Variants in CNTRL observed in about 807,000 individuals in gnomAD.
CNTRL encodes 110 kDa centrosomal protein.
Under a neutral mutation model 303.7 loss-of-function variants are expected in CNTRL, and 233 were observed. That is an observed-to-expected ratio of 0.77 (90% CI 0.69 to 0.86). The LOEUF (loss-of-function observed/expected upper bound fraction) is 0.86, where lower values mean the gene tolerates loss of function less well. Ranked by LOEUF, CNTRL falls within the 40% of genes least tolerant of loss-of-function variation. The pLI is 0.00. For missense variants in CNTRL, 2,524 were observed against 2,650.6 expected, an observed-to-expected ratio of 0.95 and a Z score of 1.05; for synonymous variants, 900 against 922.2, an observed-to-expected ratio of 0.98 and a Z score of 0.44.
chr9:121,079,525 G>T (rs561470937), intron 1 of CNTRL, among the ~76,000 whole-genome samples: 3 of 152,152 alleles, frequency 2.0e-5, no homozygotes, highest in Non-Finnish European at 4.4e-5. Context: ...ATAAAGTACA[G>T]GTTGATTATC....
intron 25 of CNTRL, chr9:121,150,715 G>T: frequency 2.1e-6 from 1 of 481,520 alleles, no homozygotes; most frequent in East Asian, 3.4e-5. Context: ...GATTGCTTGA[G>T]CCTAGGAATT....
At chr9:121,160,451 A>ATGG in intron 32 of CNTRL, 149 bp downstream of exon 32, 2 of 482,936 alleles carry the variant, frequency 4.1e-6, no homozygotes, top group Non-Finnish European at 7.2e-6. Context: ...AAGGAATATG[A>ATGG]TATTTTCTGC....
chr9:121,125,021 T>TAC (rs2050435739), intron 13 of CNTRL, among the ~76,000 whole-genome samples: 1 of 151,816 alleles, frequency 6.6e-6, no homozygotes, highest in Non-Finnish European at 1.5e-5. Context: ...GTACATGGGA[T>TAC]GTGTGTGTTT....
In CNTRL at chr9:121,112,460, TA is replaced by T. The variant is rs1396964931; in HGVS notation, c.1008del (p.Lys336AsnfsTer5). 4 of 1,612,474 alleles carry T rather than the reference TA, an allele frequency of 2.5e-6. No homozygotes were observed. Among genetic ancestry groups the T allele is most frequent in the Non-Finnish European group, 3.4e-6 (4 of 1,179,046 alleles). On this transcript the variant is annotated frameshift_variant and splice_region_variant, in exon 9 of 44. Coordinates refer to ENST00000373855, the MANE Select transcript of CNTRL (RefSeq NM_007018.6). LOFTEE classifies it high-confidence loss of function. ...TCTCATATCAAATTGGGCCAATAGC[TA>T]AAACAGAAGACCATAGAATTAACAC... is the stretch of plus-strand genomic sequence containing the variant. ...KSDLNTKNEL[L>X]KQKTIELTRA...
chr9:121,099,236 G>A (rs1297279641), intron 7 of CNTRL, among the ~76,000 whole-genome samples: 1 of 152,152 alleles, frequency 6.6e-6, no homozygotes, highest in East Asian at 1.9e-4. Flanking sequence ...AACATTTGCC[G>A]TTCTGCAATA....
intron 20 of CNTRL, among the ~76,000 whole-genome samples, chr9:121,144,586 T>C (rs2051722047): frequency 6.6e-6 from 1 of 152,164 alleles, no homozygotes; most frequent in Non-Finnish European, 1.5e-5. Context: ...AGAGACATAA[T>C]CATGGAAGAC....
chr9:121,093,048 C>A (rs1452263519), intron 4 of CNTRL, among the ~76,000 whole-genome samples: 3 of 150,956 alleles, frequency 2.0e-5, no homozygotes, highest in Non-Finnish European at 4.4e-5. Context: ...ACCTTGTGAT[C>A]TCCCCTCCTC....
chr9:121,104,212 C>T (rs913988150), intron 7 of CNTRL, among the ~76,000 whole-genome samples: 3 of 152,202 alleles, frequency 2.0e-5, no homozygotes, highest in African/African-American at 4.8e-5. Flanking sequence ...AGGATGAGTT[C>T]ATGTCCTTTG....
rs748287700 is a variant in CNTRL, at chr9:121,144,878, A to G, written c.3087A>G (p.Ala1029=). 7 of 1,613,466 alleles carry G rather than the reference A, an allele frequency of 4.3e-6. No individual in the cohort carries two copies. The highest frequency in any genetic ancestry group is 5.1e-6 in the Non-Finnish European group (6 of 1,179,944). The change falls in exon 21 of 44, where the codon GCA becomes GCG. Residue 1029 remains alanine (A), a synonymous_variant. Transcript: ENST00000373855. ...AAGCAGAGAGGTTCAGCAGAAAGGC[A>G]GCACAAGCAGCCAGAGATCTCACCC... ...LQEAERFSRK[A]AQAARDLTRA...
chr9:121,162,353 T>C (rs762508670), intron 34 of CNTRL, 82 bp downstream of exon 34: 1 of 1,237,806 alleles, frequency 8.1e-7, no homozygotes, highest in Middle Eastern at 1.9e-4. Context: ...ATTTGGAAAA[T>C]AGAGAAAAAG....
intron 23 of CNTRL, among the ~76,000 whole-genome samples, chr9:121,147,397 C>T (rs1268618764): frequency 1.3e-5 from 2 of 152,110 alleles, no homozygotes; most frequent in African/African-American, 4.8e-5. Context: ...GGGTTGTGTA[C>T]TAAAATGATC....
intron 14 of CNTRL, among the ~76,000 whole-genome samples, chr9:121,133,077 G>T (rs1462204490): frequency 6.6e-6 from 1 of 152,208 alleles, no homozygotes; most frequent in Non-Finnish European, 1.5e-5. Context: ...GTGTCTCCCA[G>T]TTAGGCTACA....
intron 25 of CNTRL, among the ~76,000 whole-genome samples, chr9:121,151,387 C>CTT (rs71370632): frequency 1.0e-3 from 94 of 90,416 alleles, no homozygotes; most frequent in African/African-American, 1.5e-3. Context: ...TTTTCTTCTT[C>CTT]TTTTTTTTTT....
At chr9:121,125,608 GA>G in intron 13 of CNTRL, 107 bp from the exon 14 acceptor site, 1 of 952,590 alleles carries the variant, frequency 1.0e-6, no homozygotes, top group Non-Finnish European at 1.6e-6. Context: ...AAAATGATAG[GA>G]AAGAATTGAA....
At position 121,168,086 on chromosome 9, in the gene CNTRL, C is replaced by A. The variant is rs1427095731; in HGVS notation, c.5845-10C>A. The A allele has an allele frequency of 1.2e-6, 2 of 1,604,026 alleles. No individual in the cohort carries two copies. Among genetic ancestry groups the A allele is most frequent in the East Asian group, 2.2e-5 (1 of 44,778 alleles). On this transcript the variant is annotated splice_polypyrimidine_tract_variant and intron_variant, in intron 37 of 43. Transcript: ENST00000373855. Reference sequence around the variant, plus strand: ...TGTTTAATGACTAATCAAGATTATTCTTTATTAAGATGTTTCAGAGACTCC... The same window carrying A: ...TGTTTAATGACTAATCAAGATTATTATTTATTAAGATGTTTCAGAGACTCC...
At chr9:121,156,854 C>T (rs2052598341) in intron 27 of CNTRL, among the ~76,000 whole-genome samples, 1 of 152,156 alleles carries the variant, frequency 6.6e-6, no homozygotes, top group Non-Finnish European at 1.5e-5. Context: ...TACATTATCA[C>T]CAGATCAATG....
Position 121,158,997 on chromosome 9 carries a change from C to G in CNTRL, c.4907C>G (p.Thr1636Ser). The change falls in exon 31 of 44, where the codon ACT becomes AGT. Residue 1636 changes from threonine (T) to serine (S), a missense_variant. Thr to Ser is a moderately conservative substitution (Grantham distance 58). Coordinates refer to ENST00000373855, the MANE Select transcript of CNTRL (RefSeq NM_007018.6). ...CTGAGACTGGGAGAGACTGAAGTAA[C>G]TGAGAAGTGCAATCACATTAGGGTG... is the stretch of plus-strand genomic sequence containing the variant. ...EALRLGETEV[T>S]EKCNHIREVK... The G allele has an allele frequency of 6.2e-7, 1 of 1,614,146 alleles. No homozygotes were observed. Among genetic ancestry groups the G allele is most frequent in the Non-Finnish European group, 8.5e-7 (1 of 1,179,996 alleles).
At chr9:121,100,537 G>C (rs144233512) in intron 7 of CNTRL, among the ~76,000 whole-genome samples, 38 of 152,310 alleles carry the variant, frequency 2.5e-4, no homozygotes, top group African/African-American at 8.7e-4. Flanking sequence ...CATAATGAAA[G>C]GACCAAATTC....
intron 26 of CNTRL, 58 bp from the exon 27 acceptor site, chr9:121,154,663 A>G: frequency 9.9e-7 from 1 of 1,013,782 alleles, no homozygotes; most frequent in Non-Finnish European, 1.5e-6. Context: ...GTTAGGCTAC[A>G]AGTATCTGTA....
Sources: gnomAD v4.1 joint callset for allele counts (sites outside exome capture counted in the v4.1 genomes callset) on GRCh38, gnomAD v4.1.1 for gene constraint, MANE v1.5 for transcripts, NCBI Gene and HGNC (gene_info 2026-07-23, HGNC 2026-07-21) for gene names.